EMCN: variants seen among roughly 807,000 people sequenced by gnomAD.
The protein encoded by EMCN is MUC-14.
A neutral mutation model predicts 38.4 loss-of-function variants in EMCN; 37 were observed. The observed-to-expected ratio is 0.96, with a 90% CI of 0.74 to 1.27. The LOEUF (loss-of-function observed/expected upper bound fraction) is 1.27, where lower values mean the gene tolerates loss of function less well. Among genes scored for constraint, EMCN ranks in the 50% most tolerant of loss-of-function variants. EMCN has a pLI of 0.00. For synonymous variants in EMCN, 95 were observed against 100.8 expected (o/e 0.94, Z 0.35); for missense variants, 318 against 302.8 (o/e 1.05, Z -0.37).
At chr4:100,425,119 C>T (rs1727007058) in intron 5 of EMCN, among the ~76,000 whole-genome samples, 1 of 145,324 alleles carries the variant, frequency 6.9e-6, no homozygotes, top group Non-Finnish European at 1.5e-5. Flanking sequence ...TAAACTGCAA[C>T]CTTCAGTTAA....
intron 3 of EMCN, among the ~76,000 whole-genome samples, chr4:100,471,465 A>G (rs1728474322): frequency 1.3e-5 from 2 of 152,134 alleles, no homozygotes; most frequent in Admixed American, 6.5e-5. Flanking sequence ...AATTTCATAA[A>G]GAAAGCTCAG....
intron 5 of EMCN, among the ~76,000 whole-genome samples, chr4:100,442,856 T>G (rs1465601122): frequency 6.6e-6 from 1 of 152,206 alleles, no homozygotes; most frequent in Non-Finnish European, 1.5e-5. Context: ...ATTTCATTTT[T>G]ATTATTTTTC....
chr4:100,508,285 T>C (rs1729535012), intron 1 of EMCN, among the ~76,000 whole-genome samples: 1 of 152,212 alleles, frequency 6.6e-6, no homozygotes, highest in African/African-American at 2.4e-5. Flanking sequence ...TTCAGTGTAC[T>C]CTTCACCACT....
At chr4:100,457,892 G>C (rs1728061651) in intron 4 of EMCN, among the ~76,000 whole-genome samples, 1 of 152,094 alleles carries the variant, frequency 6.6e-6, no homozygotes, top group Admixed American at 6.6e-5. Flanking sequence ...GCTCAGGTGG[G>C]TGGATCATGA....
rs1560619324 is a variant in EMCN, at chr4:100,448,829, TCCCTC to T, written c.377-1263_377-1259del. 2.1e-3 allele frequency among the ~76,000 whole-genome samples: 303 copies of T among 147,440 alleles called. 6 individuals carry two copies. The highest frequency in any genetic ancestry group is 3.1e-3 in the Non-Finnish European group (207 of 66,938). ...CTTCCTTCCTTCCTTCCTTCCTCCC[TCCCTC>T]CCTCCCTCCCTTCCTTGCTTTCTGG... On this transcript the variant is annotated intron_variant, in intron 4 of 11. Coordinates refer to ENST00000296420, the MANE Select transcript of EMCN (RefSeq NM_016242.4).
chr4:100,431,749 G>GCT (rs1491260167), intron 5 of EMCN, among the ~76,000 whole-genome samples: 5 of 54,294 alleles, frequency 9.2e-5, no homozygotes, highest in South Asian at 1.0e-3. Context: ...CTCCCTTTCT[G>GCT]CTCTCTCTCT....
intron 10 of EMCN, among the ~76,000 whole-genome samples, chr4:100,414,959 C>T (rs1227947540): frequency 1.3e-5 from 2 of 151,996 alleles, no homozygotes; most frequent in African/African-American, 2.4e-5. Flanking sequence ...GCTGGAGTGC[C>T]GTGGCACGAT....
intron 8 of EMCN, among the ~76,000 whole-genome samples, 195 bp from the exon 9 acceptor site, chr4:100,417,336 T>C (rs1005476068): frequency 2.0e-5 from 3 of 152,216 alleles, no homozygotes; most frequent in Non-Finnish European, 4.4e-5. Flanking sequence ...CTGGCACTCA[T>C]GGGATAGTCC....
chr4:100,458,072 T>C (rs1374696622), intron 4 of EMCN, among the ~76,000 whole-genome samples: 1 of 151,806 alleles, frequency 6.6e-6, no homozygotes, highest in Non-Finnish European at 1.5e-5. Flanking sequence ...GCCGAGATTG[T>C]GCCACTGCAC....
chr4:100,500,515 T>C (rs559822678), intron 1 of EMCN, among the ~76,000 whole-genome samples: 3 of 152,276 alleles, frequency 2.0e-5, no homozygotes, highest in African/African-American at 7.2e-5. Flanking sequence ...TATATCCCTC[T>C]TCCACTACTC....
intron 4 of EMCN, among the ~76,000 whole-genome samples, chr4:100,464,872 A>C (rs570334909): frequency 3.9e-5 from 6 of 151,966 alleles, no homozygotes; most frequent in African/African-American, 1.4e-4. Context: ...GTGTCAGGGT[A>C]ACATTAGCCT....
chr4:100,430,084 T>A (rs970200682), intron 5 of EMCN, among the ~76,000 whole-genome samples: 1 of 152,180 alleles, frequency 6.6e-6, no homozygotes, highest in Non-Finnish European at 1.5e-5. Context: ...AATATAGACA[T>A]GAAAACATTA....
chr4:100,426,017 C>T (rs1002305272), intron 5 of EMCN, among the ~76,000 whole-genome samples: 1 of 152,072 alleles, frequency 6.6e-6, no homozygotes, highest in Admixed American at 6.6e-5. Flanking sequence ...GAGACAGAGA[C>T]CCTCAGAGTC....
At chr4:100,401,029 T>G (rs1484935412) in intron 11 of EMCN, among the ~76,000 whole-genome samples, 1 of 152,112 alleles carries the variant, frequency 6.6e-6, no homozygotes, top group Non-Finnish European at 1.5e-5. Flanking sequence ...TATTTTATAA[T>G]AAGATTTCAT....
At chr4:100,471,175 T>C (rs1728467460) in intron 3 of EMCN, among the ~76,000 whole-genome samples, 2 of 151,768 alleles carry the variant, frequency 1.3e-5, no homozygotes, top group Non-Finnish European at 3.0e-5. Flanking sequence ...TTTGAAAAGA[T>C]ATATAAAATT....
At chr4:100,474,954 G>A (rs561584469) in intron 3 of EMCN, 84 bp downstream of exon 3, 2 of 608,642 alleles carry the variant, frequency 3.3e-6, no homozygotes, top group African/African-American at 1.9e-5. Context: ...AAAAACTTCT[G>A]AATTGTACAC....
chr4:100,482,609 A>G (rs1023412670), intron 1 of EMCN, among the ~76,000 whole-genome samples: 3 of 152,100 alleles, frequency 2.0e-5, no homozygotes, highest in Admixed American at 6.6e-5. Context: ...GCAGTGTGCT[A>G]TGAAGGAACA....
intron 1 of EMCN, among the ~76,000 whole-genome samples, chr4:100,489,016 A>G (rs188253180): frequency 5.1e-4 from 78 of 152,324 alleles, no homozygotes; most frequent in Non-Finnish European, 8.7e-4. Context: ...TTTGATTCTA[A>G]TAACAATTTT....
intron 7 of EMCN, among the ~76,000 whole-genome samples, chr4:100,421,900 T>C (rs1021718542): frequency 1.3e-5 from 2 of 152,034 alleles, no homozygotes; most frequent in African/African-American, 2.4e-5. Flanking sequence ...AAAATGAACA[T>C]GATTCAAGAG....
Sources: allele counts gnomAD v4.1 joint callset (sites outside exome capture counted in the v4.1 genomes callset), GRCh38; gene constraint gnomAD v4.1.1; transcripts MANE v1.5; gene names NCBI Gene and HGNC (gene_info 2026-07-23, HGNC 2026-07-21).